The following RHOD variants were observed in gnomAD, a reference collection of about 807,000 sequenced individuals.
RHOD encodes ras homolog family member D.
In RHOD, 11 loss-of-function variants were observed where a neutral mutation model predicts 16.7. The ratio of observed to expected loss-of-function variants is 0.66; its 90% confidence interval spans 0.41 to 1.09. The LOEUF is 1.09. Ranked by LOEUF, RHOD falls within the 50% of genes least tolerant of loss-of-function variation. The pLI is 0.00. For missense variants in RHOD, 271 were observed against 291.7 expected, an observed-to-expected ratio of 0.93 and a Z score of 0.52; for synonymous variants, 124 against 126.3, an observed-to-expected ratio of 0.98 and a Z score of 0.12.
intron 1 of RHOD, 85 bp from the exon 2 acceptor site, chr11:67,065,808 CAAG>C: frequency 1.2e-6 from 1 of 837,610 alleles, no homozygotes; most frequent in African/African-American, 1.7e-5. Flanking sequence ...CACTGACCCC[CAAG>C]GAGGGAGCAG....
chr11:67,066,009 T>C, intron 2 of RHOD, 26 bp downstream of exon 2: 1 of 566,860 alleles, frequency 1.8e-6, no homozygotes, highest in Non-Finnish European at 3.5e-6. Context: ...TGGGGCAGGG[T>C]GGGAGGGGCT....
At chr11:67,068,593 A>G (rs1384507853) in intron 3 of RHOD, among the ~76,000 whole-genome samples, 1 of 152,088 alleles carries the variant, frequency 6.6e-6, no homozygotes, top group Non-Finnish European at 1.5e-5. Context: ...AGGGTGGATT[A>G]TTTGAGGAGT....
intron 1 of RHOD, among the ~76,000 whole-genome samples, chr11:67,061,958 A>T: frequency 6.6e-6 from 1 of 151,354 alleles, no homozygotes; most frequent in Non-Finnish European, 1.5e-5. Flanking sequence ...GCAAGATTGC[A>T]CTACTGCGCT....
At chr11:67,067,874 A>G (rs1483070144) in intron 3 of RHOD, among the ~76,000 whole-genome samples, 1 of 152,094 alleles carries the variant, frequency 6.6e-6, no homozygotes, top group Non-Finnish European at 1.5e-5. Context: ...ATCTCGGCTC[A>G]CTACAAGCTC....
intron 3 of RHOD, 173 bp from the exon 4 acceptor site, chr11:67,070,252 C>A: frequency 1.4e-6 from 1 of 736,948 alleles, no homozygotes; most frequent in Non-Finnish European, 2.4e-6. Context: ...TGGGTCCATA[C>A]GTGTAAATTC....
Position 67,066,003 on chromosome 11 carries a change from G to GC in RHOD, c.220+21dup. The GC allele has an allele frequency of 7.7e-7, 1 of 1,304,122 alleles. No individual in the cohort carries two copies. The highest frequency in any genetic ancestry group is 1.1e-6 in the Non-Finnish European group (1 of 901,954). The allele number at this position is 1,304,122 out of a possible 1,614,324, so 80.8% of individuals were successfully genotyped here. ...CAGCAGGTGGGTGTGCAGGGGTGGG[G>GC]CAGGGTGGGAGGGGCTTCTGTGGGC... On this transcript the variant is annotated intron_variant, in intron 2 of 4. Coordinates refer to ENST00000308831, the MANE Select transcript of RHOD (RefSeq NM_014578.4).
intron 4 of RHOD, 111 bp downstream of exon 4, chr11:67,070,670 C>A: frequency 7.5e-7 from 1 of 1,334,016 alleles, no homozygotes; most frequent in Non-Finnish European, 1.0e-6. Context: ...GTCAGAGCTG[C>A]GGTCGTCTTA....
chr11:67,061,774 A>G (rs111945491), intron 1 of RHOD, among the ~76,000 whole-genome samples: 1,984 of 136,168 alleles, frequency 0.015, 20 homozygotes, highest in African/African-American at 0.018. Flanking sequence ...ATATATATAT[A>G]TGTGTGTGTG....
chr11:67,066,077 G>A (rs556084687), intron 2 of RHOD, 94 bp downstream of exon 2: 2 of 1,022,424 alleles, frequency 2.0e-6, no homozygotes, highest in South Asian at 1.5e-5. Flanking sequence ...GAACCAGGGA[G>A]GCCAGCCAGT....
intron 1 of RHOD, among the ~76,000 whole-genome samples, chr11:67,060,477 G>T (rs143927179): frequency 6.6e-6 from 1 of 152,192 alleles, no homozygotes; most frequent in Non-Finnish European, 1.5e-5. Context: ...ATGACGTCCC[G>T]AGTGGGGGAA....
intron 1 of RHOD, among the ~76,000 whole-genome samples, chr11:67,063,800 CAAAAAAAAAA>C (rs71045978): frequency 7.9e-5 from 3 of 37,950 alleles, no homozygotes; most frequent in South Asian, 1.4e-3. Context: ...GACTCTCTCT[CAAAAAAAAAA>C]AAAAAAAAAA....
intron 1 of RHOD, 45 bp downstream of exon 1, chr11:67,057,079 C>T: frequency 7.2e-7 from 1 of 1,397,484 alleles, no homozygotes; most frequent in South Asian, 1.6e-5. Flanking sequence ...GCTCGCGCGC[C>T]CGGGTGTACA....
intron 3 of RHOD, among the ~76,000 whole-genome samples, chr11:67,069,935 C>T (rs912054171): frequency 6.6e-6 from 1 of 152,148 alleles, no homozygotes; most frequent in Non-Finnish European, 1.5e-5. Context: ...AGGTGTTCCA[C>T]CTGCCTCAGG....
intron 1 of RHOD, among the ~76,000 whole-genome samples, chr11:67,063,754 TCACA>T (rs1369645280): frequency 8.3e-6 from 1 of 120,736 alleles, no homozygotes; most frequent in Non-Finnish European, 1.6e-5. Flanking sequence ...ACCCAAGAGA[TCACA>T]CCATTGCACT....
Position 67,065,892 on chromosome 11 carries a change from TC to T in RHOD, c.133-3del. On this transcript the variant is annotated splice_polypyrimidine_tract_variant and splice_region_variant and intron_variant, in intron 1 of 4. Transcript: ENST00000308831. The stretch of plus-strand genomic sequence containing the variant: ...ACACCCTCCCCCGCCCTGCTTCTCC[TC>T]AGAGCTACACCCCCACGGTGTTTGA... The T allele has an allele frequency of 6.2e-7, 1 of 1,611,752 alleles. No homozygotes were observed. The highest frequency in any genetic ancestry group is 8.5e-7 in the Non-Finnish European group (1 of 1,178,248).
Position 67,063,198 on chromosome 11 carries a change from TG to T in RHOD, c.133-2695del, listed in dbSNP as rs370215589. Among the ~76,000 whole-genome samples, 16 of 152,050 alleles carry T rather than the reference TG, an allele frequency of 1.1e-4. No individual in the cohort carries two copies. The East Asian group carries it at 2.7e-3, about 26-fold the overall frequency. ...TGAGTCCAGGAGTTCAAGACCAGCC[TG>T]GGCAACATAGCAAGACCCCATCTCT... On this transcript the variant is annotated intron_variant, in intron 1 of 4. Coordinates refer to ENST00000308831, the MANE Select transcript of RHOD (RefSeq NM_014578.4).
At chr11:67,069,693 G>T (rs750669862) in intron 3 of RHOD, among the ~76,000 whole-genome samples, 38 of 144,304 alleles carry the variant, frequency 2.6e-4, no homozygotes, top group Non-Finnish European at 3.2e-4. Flanking sequence ...CTTTTTAATT[G>T]ATTTATTTAT....
In RHOD at chr11:67,057,045, C is replaced by A; in HGVS notation, c.132+11C>A. ...GGGGCCTTCCCCGAGGTGAGTGCCC[C>A]GCGCCTCCGCCTCGCCCGGTTCCGC... On this transcript the variant is annotated intron_variant, in intron 1 of 4. Transcript: ENST00000308831. 1 of 1,447,442 alleles carries A rather than the reference C, an allele frequency of 6.9e-7. No homozygotes were observed. The highest frequency in any genetic ancestry group is 9.0e-7 in the Non-Finnish European group (1 of 1,111,068). The allele number at this position is 1,447,442 out of a possible 1,614,324, so 89.7% of individuals were successfully genotyped here.
chr11:67,065,554 A>G (rs1854948801), intron 1 of RHOD, among the ~76,000 whole-genome samples: 1 of 152,030 alleles, frequency 6.6e-6, no homozygotes, highest in Non-Finnish European at 1.5e-5. Flanking sequence ...TATTTTTAGT[A>G]GAGACGGTTT....
Sources: gnomAD v4.1 joint callset for allele counts (sites outside exome capture counted in the v4.1 genomes callset) on GRCh38, gnomAD v4.1.1 for gene constraint, MANE v1.5 for transcripts, NCBI Gene and HGNC (gene_info 2026-07-23, HGNC 2026-07-21) for gene names.